SLC8A1: variants seen among roughly 807,000 people sequenced by gnomAD.
The protein encoded by SLC8A1 is solute carrier family 8 member A1.
SLC8A1 carries 18 observed loss-of-function variants against 68.3 expected under a neutral mutation model. That is an observed-to-expected ratio of 0.26 (90% CI 0.18 to 0.39). The LOEUF is 0.39. SLC8A1 is among the 10% of genes least tolerant of loss of function. The pLI is 1.00. For synonymous variants in SLC8A1, 475 were observed against 415.5 expected (o/e 1.14, Z -1.74); for missense variants, 985 against 1,156.7 (o/e 0.85, Z 2.15).
intron 1 of SLC8A1, among the ~76,000 whole-genome samples, chr2:40,501,247 G>A (rs887024923): frequency 6.6e-6 from 1 of 151,350 alleles, no homozygotes; most frequent in African/African-American, 2.4e-5. Flanking sequence ...TCTTTACTTT[G>A]TATTTGTTTT....
At chr2:40,290,017 T>A (rs2069007694) in intron 2 of SLC8A1, among the ~76,000 whole-genome samples, 2 of 152,008 alleles carry the variant, frequency 1.3e-5, no homozygotes, top group African/African-American at 4.8e-5. Context: ...AGTGTTTCAT[T>A]GGATAATTAA....
chr2:40,475,715 A>G (rs549099847), intron 1 of SLC8A1, among the ~76,000 whole-genome samples: 1 of 152,054 alleles, frequency 6.6e-6, no homozygotes, highest in East Asian at 1.9e-4. Flanking sequence ...AAATAACTAC[A>G]TTTGCCAAAA....
intron 2 of SLC8A1, among the ~76,000 whole-genome samples, chr2:40,390,024 C>G (rs1461663875): frequency 6.6e-6 from 1 of 151,916 alleles, no homozygotes; most frequent in Non-Finnish European, 1.5e-5. Flanking sequence ...GTTCCTCAAT[C>G]TTCCTTTTTC....
chr2:40,333,433 G>C (rs1374581406), intron 2 of SLC8A1, among the ~76,000 whole-genome samples: 6 of 99,672 alleles, frequency 6.0e-5, no homozygotes, highest in African/African-American at 2.6e-4. Context: ...GCGAGACTCC[G>C]TCTCAAAAAA....
At chr2:40,288,031 G>A (rs1345665290) in intron 2 of SLC8A1, among the ~76,000 whole-genome samples, 1 of 152,118 alleles carries the variant, frequency 6.6e-6, no homozygotes, top group Non-Finnish European at 1.5e-5. Flanking sequence ...AACCACTTCT[G>A]CTTTCCCCTT....
intron 1 of SLC8A1, among the ~76,000 whole-genome samples, chr2:40,479,162 C>T (rs1704480375): frequency 6.6e-6 from 1 of 152,210 alleles, no homozygotes; most frequent in African/African-American, 2.4e-5. Flanking sequence ...AGACATGTGA[C>T]TGTTGTCGAA....
chr2:40,318,369 G>A (rs1159015088), intron 2 of SLC8A1, among the ~76,000 whole-genome samples: 2 of 151,944 alleles, frequency 1.3e-5, no homozygotes, highest in African/African-American at 2.4e-5. Flanking sequence ...CTATTCAAGA[G>A]CTGTTAGTTT....
intron 2 of SLC8A1, among the ~76,000 whole-genome samples, chr2:40,417,531 C>A (rs1016843790): frequency 3.9e-5 from 6 of 152,086 alleles, no homozygotes; most frequent in African/African-American, 1.2e-4. Context: ...TTTTCTGAGA[C>A]AAGGTCTCGC....
At chr2:40,141,932 G>T (rs568164453) in intron 6 of SLC8A1, among the ~76,000 whole-genome samples, 1 of 152,130 alleles carries the variant, frequency 6.6e-6, no homozygotes, top group East Asian at 1.9e-4. Flanking sequence ...ACAAGCCAAG[G>T]AGATTGGCCT....
At chr2:40,417,013 G>A (rs1559595068) in intron 2 of SLC8A1, among the ~76,000 whole-genome samples, 3 of 152,180 alleles carry the variant, frequency 2.0e-5, no homozygotes, top group East Asian at 3.9e-4. Flanking sequence ...CTCTCTCTCA[G>A]GAGGCAAAGT....
chr2:40,333,902 G>C lies in SLC8A1; in HGVS notation c.1808+94571C>G, dbSNP rs555158764. On this transcript the variant is annotated intron_variant, in intron 2 of 7. Coordinates refer to ENST00000406785, the Ensembl canonical transcript of SLC8A1. ...TGTTTGTACTAAAAATACAAAATTA[G>C]CCGGACATGGTGGTGCACACCTGTA... Among the ~76,000 whole-genome samples the C allele has an allele frequency of 2.6e-5, 4 of 152,164 alleles. No homozygotes were observed. The South Asian group carries it at 8.3e-4, about 32-fold the overall frequency.
At chr2:40,355,605 C>A (rs1249449742) in intron 2 of SLC8A1, among the ~76,000 whole-genome samples, 1 of 152,108 alleles carries the variant, frequency 6.6e-6, no homozygotes, top group Non-Finnish European at 1.5e-5. Context: ...CACACTCTTA[C>A]TGATTACCAC....
intron 2 of SLC8A1, among the ~76,000 whole-genome samples, chr2:40,271,910 G>T (rs1288598362): frequency 6.6e-6 from 1 of 151,598 alleles, no homozygotes; most frequent in Non-Finnish European, 1.5e-5. Flanking sequence ...TCTGTTGCCC[G>T]GGCTGGAATG....
At chr2:40,261,791 C>CA (rs1187302188) in intron 2 of SLC8A1, among the ~76,000 whole-genome samples, 3 of 152,122 alleles carry the variant, frequency 2.0e-5, no homozygotes, top group Non-Finnish European at 4.4e-5. Context: ...CATTTTCCTT[C>CA]GCATGTCTTT....
intron 2 of SLC8A1, among the ~76,000 whole-genome samples, chr2:40,393,960 A>T (rs1380624956): frequency 1.3e-5 from 2 of 152,136 alleles, no homozygotes; most frequent in African/African-American, 4.8e-5. Context: ...ACTTGAAACC[A>T]GTAGCTCTAA....
chr2:40,241,570 C>T (rs528290204), intron 2 of SLC8A1, among the ~76,000 whole-genome samples: 1 of 152,306 alleles, frequency 6.6e-6, no homozygotes, highest in South Asian at 2.1e-4. Context: ...ATACCTGTCC[C>T]CCTTTGACCT....
At chr2:40,440,716 G>C (rs1051355596) in intron 1 of SLC8A1, among the ~76,000 whole-genome samples, 1 of 152,142 alleles carries the variant, frequency 6.6e-6, no homozygotes, top group African/African-American at 2.4e-5. Context: ...AAAGGCATTT[G>C]ATAAAATTCA....
intron 1 of SLC8A1, among the ~76,000 whole-genome samples, chr2:40,465,449 C>A (rs1703613402): frequency 1.3e-5 from 2 of 152,100 alleles, no homozygotes; most frequent in South Asian, 4.1e-4. Context: ...TGATAAAAAT[C>A]ACTTCACTGA....
At chr2:40,454,561 C>T (rs535762714), upstream of SLC8A1, among the ~76,000 whole-genome samples, 8 of 146,066 alleles carry the variant, frequency 5.5e-5, no homozygotes, top group South Asian at 6.6e-4. Flanking sequence ...CTTTTCCAAT[C>T]GAAACTGCTT....
Sources: allele counts gnomAD v4.1 joint callset (sites outside exome capture counted in the v4.1 genomes callset), GRCh38; gene constraint gnomAD v4.1.1; transcripts MANE v1.5; gene names NCBI Gene and HGNC (gene_info 2026-07-23, HGNC 2026-07-21).